Variants in SNTG1 observed in about 807,000 individuals in gnomAD.
SNTG1 encodes the protein gamma-1-syntrophin.
In SNTG1, 39 loss-of-function variants were observed where a neutral mutation model predicts 74.7. That is an observed-to-expected ratio of 0.52 (90% CI 0.40 to 0.68). The LOEUF is 0.68. Ranked by LOEUF, SNTG1 falls within the 30% of genes least tolerant of loss-of-function variation. The pLI is 0.00. For synonymous variants in SNTG1, 254 were observed against 217.1 expected (o/e 1.17, Z -1.49); for missense variants, 685 against 609.5 (o/e 1.12, Z -1.30).
chr8:50,372,066 T>C (rs2092281924), intron 2 of SNTG1, among the ~76,000 whole-genome samples: 2 of 152,290 alleles, frequency 1.3e-5, no homozygotes, highest in African/African-American at 4.8e-5. Flanking sequence ...ATTTCGTTAT[T>C]GTTTTTGTGT....
intron 12 of SNTG1, among the ~76,000 whole-genome samples, chr8:50,566,466 G>A (rs1166771302): frequency 2.6e-5 from 4 of 151,990 alleles, no homozygotes; most frequent in South Asian, 2.1e-4. Context: ...AGTCTACAAC[G>A]TTTGTGATAT....
chr8:50,714,826 G>A lies in SNTG1; in HGVS notation c.1284+5848G>A, dbSNP rs2095471292. On this transcript the variant is annotated intron_variant, in intron 17 of 18. Transcript: ENST00000642720. ...ACACAGTGGAAAGACCATTCTAGCT[G>A]AGGTACAGCTTGCATCAAGCAGGTG... is the stretch of plus-strand genomic sequence containing the variant. 2.0e-5 allele frequency among the ~76,000 whole-genome samples: 3 copies of A among 151,972 alleles called. No homozygotes were observed. The South Asian group carries it at 6.2e-4, about 31-fold the overall frequency.
At chr8:50,399,611 T>C (rs2092774546) in intron 3 of SNTG1, among the ~76,000 whole-genome samples, 1 of 152,196 alleles carries the variant, frequency 6.6e-6, no homozygotes, top group Non-Finnish European at 1.5e-5. Flanking sequence ...TGGAATATAC[T>C]GTACTGAAAA....
intron 13 of SNTG1, among the ~76,000 whole-genome samples, chr8:50,639,058 T>G (rs1348300436): frequency 6.6e-6 from 1 of 152,054 alleles, no homozygotes; most frequent in Non-Finnish European, 1.5e-5. Flanking sequence ...TCATTTTAAT[T>G]GTATAATAAC....
intron 1 of SNTG1, among the ~76,000 whole-genome samples, chr8:50,151,109 G>C (rs999938996): frequency 6.6e-6 from 1 of 152,226 alleles, no homozygotes; most frequent in South Asian, 2.1e-4. Flanking sequence ...GGTCTATTCA[G>C]GGATTCAACT....
intron 8 of SNTG1, among the ~76,000 whole-genome samples, chr8:50,467,715 T>C (rs2093620264): frequency 6.6e-6 from 1 of 151,984 alleles, no homozygotes; most frequent in Non-Finnish European, 1.5e-5. Context: ...TCTAATTCTG[T>C]ATTGTGAGAG....
intron 2 of SNTG1, among the ~76,000 whole-genome samples, chr8:50,389,981 T>C (rs1211337480): frequency 6.6e-6 from 1 of 152,228 alleles, no homozygotes; most frequent in Non-Finnish European, 1.5e-5. Flanking sequence ...TTCTGGATAT[T>C]AGCCCTTTGT....
chr8:50,493,551 G>T (rs371159052), intron 8 of SNTG1, among the ~76,000 whole-genome samples: 1 of 151,978 alleles, frequency 6.6e-6, no homozygotes, highest in Non-Finnish European at 1.5e-5. Flanking sequence ...TTCCTAATAC[G>T]CTTTATCATT....
At chr8:50,385,761 T>C (rs1174074830) in intron 2 of SNTG1, among the ~76,000 whole-genome samples, 2 of 152,160 alleles carry the variant, frequency 1.3e-5, no homozygotes, top group African/African-American at 2.4e-5. Context: ...GGCAGGTCAA[T>C]AGCTGCATGC....
At chr8:50,708,258 G>A (rs2131548690) in intron 16 of SNTG1, 1 of 154,006 alleles carries the variant, frequency 6.5e-6, no homozygotes, top group South Asian at 2.1e-4. Flanking sequence ...ATTGTGAAAA[G>A]TAATTACTTG....
At chr8:50,745,451 A>G (rs1375288774) in intron 17 of SNTG1, among the ~76,000 whole-genome samples, 1 of 151,986 alleles carries the variant, frequency 6.6e-6, no homozygotes, top group Non-Finnish European at 1.5e-5. Flanking sequence ...TTTCTTTCAC[A>G]TTGCTGGTAT....
chr8:50,453,118 T>C (rs1454358740), intron 8 of SNTG1, among the ~76,000 whole-genome samples: 1 of 152,250 alleles, frequency 6.6e-6, no homozygotes, highest in Non-Finnish European at 1.5e-5. Context: ...ATTCAGTCTA[T>C]GATCAGCTTT....
At chr8:50,658,733 A>G (rs1404425100) in intron 15 of SNTG1, 70 bp downstream of exon 15, 1 of 986,114 alleles carries the variant, frequency 1.0e-6, no homozygotes, top group East Asian at 2.6e-5. Flanking sequence ...GCTCATAAGC[A>G]GCTCATGAAA....
At chr8:49,935,848 C>T (rs1346262041) in intron 1 of SNTG1, among the ~76,000 whole-genome samples, 1 of 152,218 alleles carries the variant, frequency 6.6e-6, no homozygotes, top group African/African-American at 2.4e-5. Context: ...TGTATCCTAA[C>T]TTCATTCTCC....
At chr8:50,529,888 A>T (rs1449175638) in intron 9 of SNTG1, among the ~76,000 whole-genome samples, 1 of 140,354 alleles carries the variant, frequency 7.1e-6, no homozygotes, top group African/African-American at 2.5e-5. Flanking sequence ...GCCACTTTAG[A>T]TAATTAAACA....
intron 1 of SNTG1, among the ~76,000 whole-genome samples, chr8:49,947,866 C>T (rs1398260121): frequency 6.6e-6 from 1 of 152,124 alleles, no homozygotes; most frequent in African/African-American, 2.4e-5. Flanking sequence ...CGCGGTGGCT[C>T]ATGCCTATAA....
intron 15 of SNTG1, among the ~76,000 whole-genome samples, chr8:50,690,060 T>G (rs1392989299): frequency 6.6e-6 from 1 of 152,242 alleles, no homozygotes; most frequent in Non-Finnish European, 1.5e-5. Flanking sequence ...TATTCTCTGA[T>G]GGTAGTTTGT....
At chr8:50,349,651 C>T (rs2091586693) in intron 2 of SNTG1, among the ~76,000 whole-genome samples, 1 of 152,086 alleles carries the variant, frequency 6.6e-6, no homozygotes, top group Admixed American at 6.6e-5. Context: ...AGATTCAGGT[C>T]TAGTGTATGC....
intron 1 of SNTG1, among the ~76,000 whole-genome samples, chr8:50,097,430 TCA>T (rs766038744): frequency 5.6e-4 from 85 of 152,160 alleles, no homozygotes; most frequent in Admixed American, 1.6e-3. Flanking sequence ...TCAACCACAC[TCA>T]CAATCACAAA....
Sources: allele counts gnomAD v4.1 joint callset (sites outside exome capture counted in the v4.1 genomes callset), GRCh38; gene constraint gnomAD v4.1.1; transcripts MANE v1.5; gene names NCBI Gene and HGNC (gene_info 2026-07-23, HGNC 2026-07-21).